ANKRD45: variants seen among roughly 807,000 people sequenced by gnomAD.
ANKRD45 encodes ankyrin repeat domain-containing protein 45.
A neutral mutation model predicts 28.1 loss-of-function variants in ANKRD45; 21 were observed. The ratio of observed to expected loss-of-function variants is 0.75; its 90% confidence interval spans 0.53 to 1.08. The LOEUF (loss-of-function observed/expected upper bound fraction) is 1.08, where lower values mean the gene tolerates loss of function less well. Among genes scored for constraint, ANKRD45 ranks in the 50% least tolerant of loss-of-function variants. ANKRD45 has a pLI of 0.00. For missense variants in ANKRD45, 261 were observed against 308.7 expected (o/e 0.85, Z 1.16); for synonymous variants, 86 against 103.9 (o/e 0.83, Z 1.05).
At chr1:173,644,442 A>G (rs938052422) in intron 3 of ANKRD45, among the ~76,000 whole-genome samples, 1 of 152,180 alleles carries the variant, frequency 6.6e-6, no homozygotes, top group African/African-American at 2.4e-5. Flanking sequence ...TCCAATATTA[A>G]TTTAATCATT....
intron 2 of ANKRD45, chr1:173,658,140 T>A: frequency 6.3e-6 from 1 of 158,886 alleles, no homozygotes; most frequent in Non-Finnish European, 1.4e-5. Flanking sequence ...CTGGCCAACA[T>A]GGTGAAACCC....
intron 5 of ANKRD45, among the ~76,000 whole-genome samples, chr1:173,619,435 T>C (rs1667607744): frequency 6.6e-6 from 1 of 151,250 alleles, no homozygotes; most frequent in African/African-American, 2.4e-5. Flanking sequence ...AAAAAAGAGA[T>C]GAAGGAAAAC....
At chr1:173,676,203 G>A in the ANKRD45 span, among the ~76,000 whole-genome samples, 3 of 152,146 alleles carry the variant, frequency 2.0e-5, no homozygotes, top group African/African-American at 7.2e-5. Flanking sequence ...CTCCAATTGT[G>A]TCCTGTTAAA....
intron 2 of ANKRD45, among the ~76,000 whole-genome samples, chr1:173,655,889 T>C (rs1177533013): frequency 6.6e-6 from 1 of 152,220 alleles, no homozygotes; most frequent in African/African-American, 2.4e-5. Context: ...CAAGGTTCTG[T>C]GGGCATGGGA....
At chr1:173,704,697 C>G in the ANKRD45 span, among the ~76,000 whole-genome samples, 6,028 of 152,260 alleles carry the variant, frequency 0.04, 124 homozygotes, top group East Asian at 0.06. Flanking sequence ...CATTGCTAGC[C>G]TGGAAGCAGG....
chr1:173,676,793 A>G, the ANKRD45 span, among the ~76,000 whole-genome samples: 21 of 148,852 alleles, frequency 1.4e-4, no homozygotes, highest in African/African-American at 5.3e-4. Flanking sequence ...TATTAGAATT[A>G]TAGGAGTTTT....
intron 3 of ANKRD45, 112 bp downstream of exon 3, chr1:173,646,734 G>A (rs2102360238): frequency 9.5e-7 from 1 of 1,048,274 alleles, no homozygotes; most frequent in Non-Finnish European, 1.4e-6. Context: ...AACTGTGACT[G>A]TGGTTGTATC....
intron 3 of ANKRD45, among the ~76,000 whole-genome samples, chr1:173,638,875 T>C (rs540744558): frequency 6.6e-6 from 1 of 152,318 alleles, no homozygotes; most frequent in South Asian, 2.1e-4. Flanking sequence ...TAGATTTGAC[T>C]GACTACCAAA....
chr1:173,695,613 C>T, the ANKRD45 span, among the ~76,000 whole-genome samples: 1 of 152,126 alleles, frequency 6.6e-6, no homozygotes, highest in Middle Eastern at 3.2e-3. Context: ...ATGATGGGCA[C>T]CTATGTTGAT....
chr1:173,670,704 G>C (rs1670220270), upstream of ANKRD45, among the ~76,000 whole-genome samples: 1 of 152,202 alleles, frequency 6.6e-6, no homozygotes, highest in Admixed American at 6.5e-5. Context: ...GCGACCATCA[G>C]GTGATAGGCA....
chr1:173,690,411 C>G, the ANKRD45 span, among the ~76,000 whole-genome samples: 1 of 152,128 alleles, frequency 6.6e-6, no homozygotes, highest in South Asian at 2.1e-4. Flanking sequence ...GGCATGAGAG[C>G]TGGCTCCTCT....
intron 5 of ANKRD45, among the ~76,000 whole-genome samples, chr1:173,624,242 C>CA (rs1357429409): frequency 6.6e-6 from 1 of 151,984 alleles, no homozygotes; most frequent in Admixed American, 6.5e-5. Flanking sequence ...CCTGTAAAGC[C>CA]AACACTTCAG....
At chr1:173,636,684 A>T (rs1300203523) in intron 3 of ANKRD45, 1 of 642,588 alleles carries the variant, frequency 1.6e-6, no homozygotes, top group Admixed American at 3.1e-5. Flanking sequence ...CTTTAGTATA[A>T]ATAATTGATG....
At chr1:173,699,970 A>C in the ANKRD45 span, among the ~76,000 whole-genome samples, 21 of 152,242 alleles carry the variant, frequency 1.4e-4, no homozygotes, top group Non-Finnish European at 8.8e-5. Flanking sequence ...AACTTCAGCA[A>C]AGTCTCAGGA....
At chr1:173,654,998 T>G (rs553602916) in intron 2 of ANKRD45, among the ~76,000 whole-genome samples, 2 of 152,212 alleles carry the variant, frequency 1.3e-5, no homozygotes, top group Non-Finnish European at 2.9e-5. Flanking sequence ...GCCATTCGTC[T>G]AATCTTCTTT....
At chr1:173,644,195 C>T (rs1668824323) in intron 3 of ANKRD45, among the ~76,000 whole-genome samples, 1 of 152,152 alleles carries the variant, frequency 6.6e-6, no homozygotes, top group Non-Finnish European at 1.5e-5. Flanking sequence ...CCCCAGGTAA[C>T]TCCTACTGTA....
chr1:173,630,818 TAAAAAAAAAA>T (rs60007196), intron 3 of ANKRD45, among the ~76,000 whole-genome samples: 1 of 29,058 alleles, frequency 3.4e-5, no homozygotes, highest in African/African-American at 9.9e-5. Flanking sequence ...AGACTCTGTC[TAAAAAAAAAA>T]AAAAAAAAAA....
At chr1:173,634,314 A>G (rs1668321974) in intron 3 of ANKRD45, among the ~76,000 whole-genome samples, 1 of 151,984 alleles carries the variant, frequency 6.6e-6, no homozygotes, top group Non-Finnish European at 1.5e-5. Context: ...AGATACAGAC[A>G]TATAGATTTA....
At chr1:173,614,753 C>T (rs1186451676) in intron 5 of ANKRD45, among the ~76,000 whole-genome samples, 2 of 151,994 alleles carry the variant, frequency 1.3e-5, no homozygotes, top group African/African-American at 2.4e-5. Context: ...AACAAGGGTC[C>T]TTTTTGAGGT....
Sources: allele counts gnomAD v4.1 joint callset (sites outside exome capture counted in the v4.1 genomes callset), GRCh38; gene constraint gnomAD v4.1.1; transcripts MANE v1.5; gene names NCBI Gene and HGNC (gene_info 2026-07-23, HGNC 2026-07-21).